The following NKAIN2 variants were observed in gnomAD, a reference collection of about 807,000 sequenced individuals.
NKAIN2 encodes sodium/potassium-transporting ATPase subunit beta-1-interacting protein 2.
NKAIN2 carries 14 observed loss-of-function variants against 32.6 expected under a neutral mutation model. The ratio of observed to expected loss-of-function variants is 0.43; its 90% confidence interval spans 0.28 to 0.67. The LOEUF (loss-of-function observed/expected upper bound fraction) is 0.67. Ranked by LOEUF, NKAIN2 falls within the 30% of genes least tolerant of loss-of-function variation. The pLI is 0.17. For synonymous variants in NKAIN2, 80 were observed against 87.2 expected (o/e 0.92, Z 0.46); for missense variants, 198 against 258.3 (o/e 0.77, Z 1.60).
chr6:124,607,286 A>T (rs2114991391), intron 3 of NKAIN2, among the ~76,000 whole-genome samples: 1 of 152,272 alleles, frequency 6.6e-6, no homozygotes, highest in African/African-American at 2.4e-5. Context: ...AGTTTATTTG[A>T]GCAATAAACT....
intron 1 of NKAIN2, among the ~76,000 whole-genome samples, chr6:124,206,558 A>AATTTTTTT (rs1790897142): frequency 6.6e-6 from 1 of 151,878 alleles, no homozygotes; most frequent in Admixed American, 6.6e-5. Flanking sequence ...GAGTATTCTA[A>AATTTTTTT]TATTTTTAAT....
In NKAIN2 at chr6:124,791,345, G is replaced by C; in HGVS notation, c.481G>C (p.Gly161Arg). ...CATCTCTGTTTTGTTTCAGCTGGCAGGTTTCATCTACGCCTGTTATGTTGT... is the reference window on the plus strand; with the variant it reads ...CATCTCTGTTTTGTTTCAGCTGGCACGTTTCATCTACGCCTGTTATGTTGT... ...SSLQIVLALA[G>R]FIYACYVVKC... is the part of the protein sequence containing the mutation. The change falls in exon 5 of 7, where the codon GGT becomes CGT. Residue 161 changes from glycine (G) to arginine (R), a missense_variant. By Grantham distance (125) the Gly-to-Arg change is moderately radical (BLOSUM62 -2). Coordinates refer to ENST00000368417, the MANE Select transcript of NKAIN2 (RefSeq NM_001040214.3). 2 of 1,608,252 alleles carry C rather than the reference G, an allele frequency of 1.2e-6. No homozygotes were observed. Among genetic ancestry groups the C allele is most frequent in the Non-Finnish European group, 1.7e-6 (2 of 1,175,846 alleles).
intron 3 of NKAIN2, among the ~76,000 whole-genome samples, chr6:124,631,353 T>A (rs991763153): frequency 6.6e-6 from 1 of 152,172 alleles, no homozygotes; most frequent in Non-Finnish European, 1.5e-5. Context: ...ATTTTTCTGT[T>A]ATTTTGTGTG....
chr6:124,043,540 T>C (rs996411607), intron 1 of NKAIN2, among the ~76,000 whole-genome samples: 1 of 152,016 alleles, frequency 6.6e-6, no homozygotes, highest in Admixed American at 6.6e-5. Context: ...AAACTCACAA[T>C]AAACAAGGTG....
At chr6:124,637,525 A>T (rs531435605) in intron 3 of NKAIN2, among the ~76,000 whole-genome samples, 1 of 152,014 alleles carries the variant, frequency 6.6e-6, no homozygotes, top group Admixed American at 6.6e-5. Flanking sequence ...CTTTAGAAAA[A>T]CCTAAAGATT....
chr6:124,211,837 T>C (rs1395735338), intron 1 of NKAIN2, among the ~76,000 whole-genome samples: 2 of 152,028 alleles, frequency 1.3e-5, no homozygotes, highest in East Asian at 3.9e-4. Context: ...TTGTGAGCTT[T>C]GTTTAAATAG....
chr6:124,448,204 C>A (rs1775970869), intron 3 of NKAIN2, among the ~76,000 whole-genome samples: 1 of 152,068 alleles, frequency 6.6e-6, no homozygotes. Context: ...TGGGATGAAT[C>A]TCCTTTAATT....
intron 1 of NKAIN2, among the ~76,000 whole-genome samples, chr6:124,085,070 G>T (rs972378597): frequency 1.3e-5 from 2 of 152,000 alleles, no homozygotes; most frequent in Non-Finnish European, 2.9e-5. Context: ...AGTGTATTTT[G>T]TAGGGAGAAA....
At chr6:124,154,981 C>T (rs1787908952) in intron 1 of NKAIN2, among the ~76,000 whole-genome samples, 1 of 151,964 alleles carries the variant, frequency 6.6e-6, no homozygotes, top group East Asian at 1.9e-4. Flanking sequence ...TGCCACATGG[C>T]AGGAAAAGAA....
intron 1 of NKAIN2, among the ~76,000 whole-genome samples, chr6:124,144,172 G>A (rs1182670863): frequency 6.6e-6 from 1 of 152,162 alleles, no homozygotes; most frequent in Non-Finnish European, 1.5e-5. Flanking sequence ...AGTTTGGTAA[G>A]CTCTTCTTGA....
chr6:124,772,552 G>T (rs1284996021), intron 4 of NKAIN2, among the ~76,000 whole-genome samples: 1 of 152,200 alleles, frequency 6.6e-6, no homozygotes, highest in African/African-American at 2.4e-5. Context: ...GATTTTAAAG[G>T]ATTATTTTAC....
At chr6:123,888,564 A>G (rs1332291910) in intron 1 of NKAIN2, among the ~76,000 whole-genome samples, 1 of 152,142 alleles carries the variant, frequency 6.6e-6, no homozygotes, top group African/African-American at 2.4e-5. Flanking sequence ...TCTTGCCACA[A>G]TAATCCCTGA....
At chr6:124,056,988 A>C (rs1217162923) in intron 1 of NKAIN2, among the ~76,000 whole-genome samples, 1 of 152,058 alleles carries the variant, frequency 6.6e-6, no homozygotes, top group Non-Finnish European at 1.5e-5. Flanking sequence ...AAAAATAAAC[A>C]ATAAACTCTA....
chr6:124,192,904 C>T (rs1036401127), intron 1 of NKAIN2, among the ~76,000 whole-genome samples: 5 of 151,980 alleles, frequency 3.3e-5, no homozygotes, highest in African/African-American at 1.2e-4. Flanking sequence ...CGCCCGCCAC[C>T]GCGCGCAGCT....
chr6:124,413,724 C>T (rs1774329743), intron 3 of NKAIN2, among the ~76,000 whole-genome samples: 1 of 152,124 alleles, frequency 6.6e-6, no homozygotes, highest in Admixed American at 6.5e-5. Flanking sequence ...CAATTTTTCT[C>T]AGCAATGGAA....
At chr6:123,916,111 A>C (rs1775480611) in intron 1 of NKAIN2, among the ~76,000 whole-genome samples, 1 of 152,148 alleles carries the variant, frequency 6.6e-6, no homozygotes, top group African/African-American at 2.4e-5. Context: ...AGATTTGAAA[A>C]GATAAGGATG....
At chr6:124,818,235 A>G (rs1333778839) in intron 5 of NKAIN2, 152 bp from the exon 6 acceptor site, 1 of 430,664 alleles carries the variant, frequency 2.3e-6, no homozygotes, top group African/African-American at 2.0e-5. Context: ...AGGAACTATC[A>G]TTTCTTCCAT....
At chr6:124,598,728 A>T (rs1328871587) in intron 3 of NKAIN2, among the ~76,000 whole-genome samples, 2 of 152,036 alleles carry the variant, frequency 1.3e-5, no homozygotes, top group Admixed American at 6.6e-5. Flanking sequence ...AGCCCATAGC[A>T]CTTAAGAACC....
At chr6:124,635,378 G>A (rs190260385) in intron 3 of NKAIN2, among the ~76,000 whole-genome samples, 1 of 151,944 alleles carries the variant, frequency 6.6e-6, no homozygotes, top group Admixed American at 6.6e-5. Flanking sequence ...CCAGCAAATG[G>A]CAAAGATAAA....
Sources: allele counts gnomAD v4.1 joint callset (sites outside exome capture counted in the v4.1 genomes callset), GRCh38; gene constraint gnomAD v4.1.1; transcripts MANE v1.5; gene names NCBI Gene and HGNC (gene_info 2026-07-23, HGNC 2026-07-21).